The following MAMDC2 variants were observed in gnomAD, a reference collection of about 807,000 sequenced individuals.
MAMDC2 encodes the protein MAM domain containing 2, also known as MAM domain-containing protein 2.
Under a neutral mutation model 89.8 loss-of-function variants are expected in MAMDC2, and 57 were observed. That is an observed-to-expected ratio of 0.63 (90% CI 0.51 to 0.79). The LOEUF is 0.79. Ranked by LOEUF, MAMDC2 falls within the 30% of genes least tolerant of loss-of-function variation. The pLI is 0.00. For synonymous variants in MAMDC2, 313 were observed against 293.4 expected (o/e 1.07, Z -0.68); for missense variants, 800 against 820.6 (o/e 0.97, Z 0.31).
At chr9:70,210,388 G>C (rs2033328011) in intron 11 of MAMDC2, among the ~76,000 whole-genome samples, 1 of 151,894 alleles carries the variant, frequency 6.6e-6, no homozygotes, top group Non-Finnish European at 1.5e-5. Context: ...ATTATGTAAT[G>C]GCCTTCTTTG....
At chr9:70,152,737 C>A (rs1333951254) in intron 9 of MAMDC2, among the ~76,000 whole-genome samples, 1 of 152,116 alleles carries the variant, frequency 6.6e-6, no homozygotes, top group Non-Finnish European at 1.5e-5. Flanking sequence ...CAAAATTCGG[C>A]ATTATAGTTT....
intron 11 of MAMDC2, among the ~76,000 whole-genome samples, chr9:70,208,241 A>G (rs1216075938): frequency 1.3e-5 from 2 of 152,072 alleles, no homozygotes; most frequent in Admixed American, 6.5e-5. Context: ...CATTTTCATG[A>G]TATTGATTCT....
intron 2 of MAMDC2, among the ~76,000 whole-genome samples, chr9:70,068,369 G>C (rs12685632): frequency 6.6e-6 from 1 of 151,932 alleles, no homozygotes; most frequent in Non-Finnish European, 1.5e-5. Context: ...GGGAGCACTG[G>C]GCTGGATAGG....
chr9:70,167,543 G>A (rs1422847415), intron 9 of MAMDC2, among the ~76,000 whole-genome samples: 2 of 152,184 alleles, frequency 1.3e-5, no homozygotes, highest in Non-Finnish European at 2.9e-5. Context: ...ATTTGTAATT[G>A]AGGGATTCAA....
intron 11 of MAMDC2, chr9:70,217,122 T>C (rs906390804): frequency 1.8e-5 from 10 of 555,776 alleles, no homozygotes; most frequent in Admixed American, 6.4e-5. Context: ...GAAAAGGAAA[T>C]TGGAAAGGCA....
intron 9 of MAMDC2, among the ~76,000 whole-genome samples, chr9:70,151,064 G>A (rs953804516): frequency 3.9e-5 from 6 of 152,132 alleles, no homozygotes; most frequent in African/African-American, 1.2e-4. Context: ...ACATAGTTAC[G>A]TGGGCCTTCT....
At chr9:70,151,654 G>A (rs951239771) in intron 9 of MAMDC2, among the ~76,000 whole-genome samples, 1 of 152,118 alleles carries the variant, frequency 6.6e-6, no homozygotes, top group Non-Finnish European at 1.5e-5. Context: ...CCAATCTTAG[G>A]GAAGGCCTGT....
intron 2 of MAMDC2, chr9:70,082,612 T>C (rs983781208): frequency 1.3e-5 from 2 of 152,180 alleles, no homozygotes; most frequent in Admixed American, 6.6e-5. Context: ...TAAATATATA[T>C]ATCCTCTACC....
chr9:70,044,305 C>A, intron 1 of MAMDC2, 74 bp downstream of exon 1: 1 of 1,512,428 alleles, frequency 6.6e-7, no homozygotes, highest in Non-Finnish European at 9.1e-7. Flanking sequence ...CCCCGGGGGT[C>A]CGGCTCACCG....
chr9:70,083,012 C>CCTAT (rs1467764419), intron 2 of MAMDC2: 1 of 152,146 alleles, frequency 6.6e-6, no homozygotes, highest in Non-Finnish European at 1.5e-5. Context: ...GAAGACACTA[C>CCTAT]CTATCATCTG....
intron 9 of MAMDC2, among the ~76,000 whole-genome samples, chr9:70,152,423 G>A (rs574699687): frequency 6.6e-6 from 1 of 152,292 alleles, no homozygotes; most frequent in African/African-American, 2.4e-5. Flanking sequence ...TCCCTAGGAA[G>A]GAAAGCAGTC....
intron 5 of MAMDC2, 103 bp downstream of exon 5, chr9:70,113,235 A>G: frequency 7.4e-7 from 1 of 1,345,210 alleles, no homozygotes; most frequent in Non-Finnish European, 1.0e-6. Flanking sequence ...AACAGGGAAG[A>G]GAGGAGGGAG....
At chr9:70,130,137 C>T in intron 6 of MAMDC2, among the ~76,000 whole-genome samples, 1 of 148,524 alleles carries the variant, frequency 6.7e-6, no homozygotes. Flanking sequence ...CTTATCTTAA[C>T]TAATTACATT....
At chr9:70,166,155 T>C (rs1263135650) in intron 9 of MAMDC2, among the ~76,000 whole-genome samples, 2 of 151,732 alleles carry the variant, frequency 1.3e-5, no homozygotes, top group Non-Finnish European at 2.9e-5. Flanking sequence ...GCAGGAGAAT[T>C]GCTTGAATCC....
intron 7 of MAMDC2, among the ~76,000 whole-genome samples, chr9:70,139,034 T>C (rs1359055438): frequency 6.6e-6 from 1 of 152,118 alleles, no homozygotes; most frequent in Non-Finnish European, 1.5e-5. Flanking sequence ...TTTTTTCTTT[T>C]AAAATTTTTA....
chr9:70,044,497 T>A (rs1826689709), intron 1 of MAMDC2, 87 bp from the exon 2 acceptor site: 1 of 1,090,734 alleles, frequency 9.2e-7, no homozygotes, highest in Non-Finnish European at 1.3e-6. Context: ...TTCCCCCACT[T>A]TCACCAGGTA....
intron 11 of MAMDC2, among the ~76,000 whole-genome samples, chr9:70,212,716 G>A (rs879875493): frequency 2.6e-5 from 4 of 152,170 alleles, no homozygotes; most frequent in Non-Finnish European, 4.4e-5. Flanking sequence ...CATGCTGGGA[G>A]CTGTAGACTG....
intron 2 of MAMDC2, among the ~76,000 whole-genome samples, chr9:70,061,640 A>T (rs1393875621): frequency 2.0e-5 from 3 of 152,220 alleles, no homozygotes; most frequent in Non-Finnish European, 4.4e-5. Context: ...TCAAATGATC[A>T]AGATAAATAA....
chr9:70,204,846 G>T (rs138669945), intron 11 of MAMDC2, among the ~76,000 whole-genome samples: 2,866 of 152,302 alleles, frequency 0.019, 87 homozygotes, highest in Admixed American at 0.081. Context: ...CCCTTTCTTT[G>T]ACTTGGAAAG....
Sources: gnomAD v4.1 joint callset for allele counts (sites outside exome capture counted in the v4.1 genomes callset) on GRCh38, gnomAD v4.1.1 for gene constraint, MANE v1.5 for transcripts, NCBI Gene and HGNC (gene_info 2026-07-23, HGNC 2026-07-21) for gene names.